The following RAMP1 variants were observed in gnomAD, a reference collection of about 807,000 sequenced individuals.
The protein encoded by RAMP1 is receptor activity modifying protein 1, also known as receptor activity-modifying protein 1.
Under a neutral mutation model 8.2 loss-of-function variants are expected in RAMP1, and 7 were observed. The observed-to-expected ratio is 0.85, with a 90% CI of 0.49 to 1.60. The LOEUF (loss-of-function observed/expected upper bound fraction) is 1.60. Ranked by LOEUF, RAMP1 falls within the 40% of genes most tolerant of loss-of-function variation. The probability of loss-of-function intolerance (pLI) is 0.00; values close to 1 mark genes in which losing one functional copy is unlikely to be tolerated. For missense variants in RAMP1, 192 were observed against 202.4 expected (o/e 0.95, Z 0.31); for synonymous variants, 92 against 84.7 (o/e 1.09, Z -0.47).
Position 237,861,835 on chromosome 2 carries a change from G to A in RAMP1, c.52+2108G>A, listed in dbSNP as rs151175775. ...CACTGCACTCCAGCCTGGGTGATAA[G>A]AGTGAAACTCCGTCTCAAAAAAAAA... On this transcript the variant is annotated intron_variant, in intron 1 of 2. Coordinates refer to ENST00000254661, the MANE Select transcript of RAMP1 (RefSeq NM_005855.4). Among the ~76,000 whole-genome samples, 721 of 147,280 alleles carry A rather than the reference G, an allele frequency of 4.9e-3. 7 individuals carry two copies. Among genetic ancestry groups the A allele is most frequent in the East Asian group, 0.044 (222 of 5,044 alleles).
intron 2 of RAMP1, among the ~76,000 whole-genome samples, chr2:237,886,280 C>T (rs549720164): frequency 2.6e-5 from 4 of 152,304 alleles, no homozygotes; most frequent in East Asian, 1.9e-4. Flanking sequence ...GTGCAGGGAG[C>T]GCCTTCTGCT....
intron 2 of RAMP1, among the ~76,000 whole-genome samples, chr2:237,899,071 GATT>G (rs2062572341): frequency 1.5e-5 from 1 of 64,768 alleles, no homozygotes; most frequent in Admixed American, 2.1e-4. Flanking sequence ...TTGAGACAGT[GATT>G]TTTTTTTTTT....
At chr2:237,896,151 CTT>C (rs2062540307) in intron 2 of RAMP1, among the ~76,000 whole-genome samples, 1 of 152,242 alleles carries the variant, frequency 6.6e-6, no homozygotes, top group African/African-American at 2.4e-5. Context: ...CAGTCTGTGA[CTT>C]TGCCTGGGAC....
chr2:237,876,233 C>T (rs1332930300), intron 1 of RAMP1, among the ~76,000 whole-genome samples: 3 of 152,214 alleles, frequency 2.0e-5, no homozygotes, highest in African/African-American at 7.2e-5. Flanking sequence ...AATCTGCCTG[C>T]CCAAGGGCAG....
chr2:237,906,010 CAAA>C (rs377067863), intron 2 of RAMP1, among the ~76,000 whole-genome samples: 16 of 95,766 alleles, frequency 1.7e-4, no homozygotes, highest in Non-Finnish European at 1.8e-4. Flanking sequence ...GACTCTGTCT[CAAA>C]AAAAAAAAAA....
Position 237,862,868 on chromosome 2 carries a change from C to T in RAMP1, c.52+3141C>T, listed in dbSNP as rs1010495793. 5.9e-5 allele frequency among the ~76,000 whole-genome samples: 9 copies of T among 152,290 alleles called. No homozygotes were observed. Among genetic ancestry groups the T allele is most frequent in the African/African-American group, 2.2e-4 (9 of 41,562 alleles). ...CTGCTGGAACCACGGGGAAAAGCTG[C>T]GTCTTTCCTCCAGGCTGGATCTGAG... On this transcript the variant is annotated intron_variant, in intron 1 of 2. Coordinates refer to ENST00000254661, the MANE Select transcript of RAMP1 (RefSeq NM_005855.4). This position sits in a 1 kb window ranked among gnomAD's most constrained non-coding sequence, Gnocchi z 4.0.
At chr2:237,903,764 C>T (rs1252133446) in intron 2 of RAMP1, among the ~76,000 whole-genome samples, 1 of 152,136 alleles carries the variant, frequency 6.6e-6, no homozygotes, top group Non-Finnish European at 1.5e-5. Context: ...GTGCGATCTC[C>T]GCTCGCTGCA....
chr2:237,875,862 G>A (rs2062297975), intron 1 of RAMP1, among the ~76,000 whole-genome samples: 1 of 151,820 alleles, frequency 6.6e-6, no homozygotes, highest in Admixed American at 6.5e-5. Context: ...ATGGCCACCT[G>A]CTCGCCCTCC....
In RAMP1 at chr2:237,865,685, C is replaced by T. The variant is rs3769039; in HGVS notation, c.52+5958C>T. ...GTATGGCCAAGAGAGGTGTTTCTGGCGGCAGCAGGGCCTGGCCTATGTCAA... is the reference window on the plus strand; with the variant it reads ...GTATGGCCAAGAGAGGTGTTTCTGGTGGCAGCAGGGCCTGGCCTATGTCAA... On this transcript the variant is annotated intron_variant, in intron 1 of 2. Coordinates refer to ENST00000254661, the MANE Select transcript of RAMP1 (RefSeq NM_005855.4). This position sits in a 1 kb window ranked among gnomAD's most constrained non-coding sequence, Gnocchi z 4.2. 0.068 allele frequency among the ~76,000 whole-genome samples: 10,283 copies of T among 152,154 alleles called. 677 individuals are homozygous for T. Among genetic ancestry groups the T allele is most frequent in the East Asian group, 0.22 (1,159 of 5,154 alleles).
intron 2 of RAMP1, among the ~76,000 whole-genome samples, chr2:237,905,371 C>T (rs1390038689): frequency 1.3e-5 from 2 of 152,174 alleles, no homozygotes; most frequent in South Asian, 2.1e-4. Flanking sequence ...GCCGACTGCA[C>T]ATTAGAGATA....
At chr2:237,895,636 C>A (rs958583640) in intron 2 of RAMP1, among the ~76,000 whole-genome samples, 10 of 152,166 alleles carry the variant, frequency 6.6e-5, no homozygotes, top group African/African-American at 2.4e-4. Context: ...GGATGGGTCG[C>A]TGAAGGCTCG....
chr2:237,899,228 A>G (rs1414761087), intron 2 of RAMP1, among the ~76,000 whole-genome samples: 1 of 152,018 alleles, frequency 6.6e-6, no homozygotes, highest in Non-Finnish European at 1.5e-5. Context: ...ACGCTGCCAC[A>G]CCCAGCTAAT....
chr2:237,910,707 CAT>C (rs2062703373), intron 2 of RAMP1, among the ~76,000 whole-genome samples: 1 of 151,428 alleles, frequency 6.6e-6, no homozygotes, highest in South Asian at 2.1e-4. Flanking sequence ...TACACAGTCA[CAT>C]AGTCACACAC....
chr2:237,903,772 G>A (rs1267477080), intron 2 of RAMP1, among the ~76,000 whole-genome samples: 1 of 152,148 alleles, frequency 6.6e-6, no homozygotes, highest in Non-Finnish European at 1.5e-5. Context: ...TCCGCTCGCT[G>A]CAACCTCCAC....
Position 237,911,949 on chromosome 2 carries a change from T to A in RAMP1, c.*166T>A. On this transcript the variant is annotated 3_prime_UTR_variant, in exon 3 of 3. Transcript: ENST00000254661. Reference sequence around the variant, plus strand: ...TCCAGAGTAGCCGAGGCTCTGGTATTAACCTGGAAGCCCCCCTGGCTGGAG... The same window carrying A: ...TCCAGAGTAGCCGAGGCTCTGGTATAAACCTGGAAGCCCCCCTGGCTGGAG... The A allele has an allele frequency of 8.3e-7, 1 of 1,197,826 alleles. No individual in the cohort carries two copies. Among genetic ancestry groups the A allele is most frequent in the Non-Finnish European group, 1.1e-6 (1 of 884,318 alleles). 74.2% of individuals were successfully genotyped at this position (1,197,826 alleles called of 1,614,324 possible). A position where few individuals can be genotyped will look rare whatever the true frequency, so the allele number is the denominator to read the frequency against.
intron 2 of RAMP1, among the ~76,000 whole-genome samples, chr2:237,881,216 C>A (rs7557078): frequency 0.25 from 38,666 of 152,162 alleles, 5,389 homozygotes; most frequent in African/African-American, 0.37. Context: ...TAACCTGGAA[C>A]TCTCTCCTTG....
intron 2 of RAMP1, among the ~76,000 whole-genome samples, chr2:237,894,918 T>C (rs184818763): frequency 9.1e-4 from 138 of 152,244 alleles, no homozygotes; most frequent in South Asian, 3.7e-3. Context: ...TCCTATCTGG[T>C]TGTGGTTCTC....
chr2:237,875,133 G>T (rs1180514621), intron 1 of RAMP1, among the ~76,000 whole-genome samples: 1 of 152,132 alleles, frequency 6.6e-6, no homozygotes, highest in Non-Finnish European at 1.5e-5. Flanking sequence ...AGCTCCTGGG[G>T]CATCACTGTC....
intron 1 of RAMP1, among the ~76,000 whole-genome samples, chr2:237,861,249 A>G (rs3769047): frequency 0.025 from 3,809 of 152,256 alleles, 224 homozygotes; most frequent in East Asian, 0.23. Flanking sequence ...CCGAAAGTCC[A>G]AAGTCCTGTA....
Sources: gnomAD v4.1 joint callset for allele counts (sites outside exome capture counted in the v4.1 genomes callset) on GRCh38, gnomAD v4.1.1 for gene constraint, Gnocchi (gnomAD v3.1) non-coding constraint, MANE v1.5 for transcripts, NCBI Gene and HGNC (gene_info 2026-07-23, HGNC 2026-07-21) for gene names.